MYO16: variants seen among roughly 807,000 people sequenced by gnomAD.
MYO16 encodes myosin XVI.
Under a neutral mutation model 205.3 loss-of-function variants are expected in MYO16, and 94 were observed. That is an observed-to-expected ratio of 0.46 (90% confidence interval 0.39 to 0.54). The LOEUF (loss-of-function observed/expected upper bound fraction) is 0.54. MYO16 is among the 20% of genes least tolerant of loss of function. The pLI is 0.00. For missense variants in MYO16, 2,315 were observed against 2,387.5 expected, an observed-to-expected ratio of 0.97 and a Z score of 0.63; for synonymous variants, 988 against 954.0, an observed-to-expected ratio of 1.04 and a Z score of -0.66.
At chr13:108,948,330 TA>T (rs1393031022) in intron 16 of MYO16, among the ~76,000 whole-genome samples, 2 of 152,316 alleles carry the variant, frequency 1.3e-5, no homozygotes, top group East Asian at 3.9e-4. Flanking sequence ...GCACAGCAGA[TA>T]AAAAAACTGA....
At chr13:108,621,029 G>A (rs1326874316) in intron 1 of MYO16, among the ~76,000 whole-genome samples, 1 of 152,022 alleles carries the variant, frequency 6.6e-6, no homozygotes, top group Non-Finnish European at 1.5e-5. Context: ...TTTATTTCTT[G>A]AACATGTCAT....
At chr13:109,014,816 A>G (rs1195205436) in intron 22 of MYO16, among the ~76,000 whole-genome samples, 1 of 152,220 alleles carries the variant, frequency 6.6e-6, no homozygotes, top group Non-Finnish European at 1.5e-5. Context: ...TTGATTTTGT[A>G]TCCTGAGGCT....
At chr13:108,646,524 T>C (rs1021016237) in intron 1 of MYO16, among the ~76,000 whole-genome samples, 3 of 152,246 alleles carry the variant, frequency 2.0e-5, no homozygotes, top group Non-Finnish European at 2.9e-5. Flanking sequence ...AATTTGTAAA[T>C]TGGCATTAAG....
the MYO16 span, among the ~76,000 whole-genome samples, chr13:108,577,857 T>G: frequency 9.9e-5 from 15 of 152,140 alleles, no homozygotes; most frequent in Non-Finnish European, 1.6e-4. Flanking sequence ...AACTTGCCCC[T>G]TTTACCCCAC....
intron 32 of MYO16, among the ~76,000 whole-genome samples, chr13:109,164,420 G>T (rs562770268): frequency 1.3e-5 from 2 of 152,352 alleles, no homozygotes; most frequent in South Asian, 4.1e-4. Flanking sequence ...GAATGCGGAA[G>T]TCGAGTATTG....
intron 9 of MYO16, among the ~76,000 whole-genome samples, chr13:108,839,856 A>G (rs892905245): frequency 3.9e-5 from 6 of 152,158 alleles, no homozygotes; most frequent in Non-Finnish European, 5.9e-5. Flanking sequence ...GCAACTAACC[A>G]TGGAATAGTA....
rs73619919 is a variant in MYO16, at chr13:109,120,549, C to T, written c.3535+83C>T. 1,160 of 1,024,130 alleles carry T rather than the reference C, an allele frequency of 1.1e-3. 10 individuals are homozygous for T. In the African/African-American group the frequency reaches 0.014, roughly 13 times the overall value. 63.4% of individuals were successfully genotyped at this position (1,024,130 alleles called of 1,614,324 possible). A position where few individuals can be genotyped will look rare whatever the true frequency, so the allele number is the denominator to read the frequency against. On this transcript the variant is annotated intron_variant, in intron 29 of 34. Coordinates refer to ENST00000457511, the MANE Select transcript of MYO16 (RefSeq NM_001198950.3). ...TTAGTGCATCCCCAAGTTTAAATGT[C>T]GATGGGGTCTGCACCCTAGTGGACC...
chr13:108,817,291 A>T (rs893284786), intron 7 of MYO16, among the ~76,000 whole-genome samples: 1 of 152,252 alleles, frequency 6.6e-6, no homozygotes, highest in Admixed American at 6.5e-5. Flanking sequence ...ACTCTCAAGA[A>T]GAAAATGATG....
intron 27 of MYO16, among the ~76,000 whole-genome samples, chr13:109,089,462 G>A (rs946958799): frequency 3.9e-5 from 6 of 152,020 alleles, no homozygotes; most frequent in Non-Finnish European, 7.4e-5. Flanking sequence ...TGATCCACCC[G>A]CCTCAGCCTC....
Position 108,758,246 on chromosome 13 carries a change from G to A in MYO16, c.508-27389G>A, listed in dbSNP as rs552480387. ...CTAAGGTATTTTGCTATAGTAGTCTGAATAAACTAAAACACTTGACTATTG... is the reference window on the plus strand; with the variant it reads ...CTAAGGTATTTTGCTATAGTAGTCTAAATAAACTAAAACACTTGACTATTG... On this transcript the variant is annotated intron_variant, in intron 4 of 34. Coordinates refer to ENST00000457511, the MANE Select transcript of MYO16 (RefSeq NM_001198950.3). Among the ~76,000 whole-genome samples the A allele has an allele frequency of 1.4e-4, 21 of 152,262 alleles. No homozygotes were observed. The South Asian group carries it at 4.3e-3, about 32-fold the overall frequency.
intron 1 of MYO16, among the ~76,000 whole-genome samples, chr13:108,597,280 G>A (rs1878597070): frequency 6.6e-6 from 1 of 152,104 alleles, no homozygotes; most frequent in African/African-American, 2.4e-5. Context: ...TGATACTGAA[G>A]GTTCATAAGG....
chr13:108,711,072 A>T lies in MYO16; in HGVS notation c.293-1589A>T, dbSNP rs139823991. On this transcript the variant is annotated intron_variant, in intron 2 of 34. Coordinates refer to ENST00000457511, the MANE Select transcript of MYO16 (RefSeq NM_001198950.3). Reference sequence around the variant, plus strand: ...AGGTGCCTTCATTTATTCTATATATATATAGAGAGAAAGGGAGGCAGAGAA... The same window carrying T: ...AGGTGCCTTCATTTATTCTATATATTTATAGAGAGAAAGGGAGGCAGAGAA... 3.1e-3 allele frequency among the ~76,000 whole-genome samples: 466 copies of T among 152,290 alleles called. 2 individuals are homozygous for T. Among genetic ancestry groups the T allele is most frequent in the African/African-American group, 0.011 (450 of 41,564 alleles).
intron 34 of MYO16, among the ~76,000 whole-genome samples, chr13:109,195,170 A>T (rs564532052): frequency 6.6e-6 from 1 of 152,256 alleles, no homozygotes; most frequent in African/African-American, 2.4e-5. Context: ...TAAAAAATGC[A>T]AATCCTCTCT....
At chr13:108,669,775 G>A (rs765463862) in intron 2 of MYO16, among the ~76,000 whole-genome samples, 1 of 152,132 alleles carries the variant, frequency 6.6e-6, no homozygotes. Flanking sequence ...CCTTTGCAGG[G>A]ACATGGATAA....
intron 7 of MYO16, among the ~76,000 whole-genome samples, chr13:108,809,684 C>G (rs1887225394): frequency 1.3e-5 from 2 of 152,204 alleles, no homozygotes; most frequent in South Asian, 4.1e-4. Context: ...CACCCCCAAC[C>G]AGGCCACGCT....
chr13:108,563,780 A>G, the MYO16 span, among the ~76,000 whole-genome samples: 1 of 152,296 alleles, frequency 6.6e-6, no homozygotes, highest in East Asian at 1.9e-4. Context: ...TCTGGCTATT[A>G]TGAGCAGTGC....
At chr13:108,955,147 G>C (rs1359681668) in intron 16 of MYO16, among the ~76,000 whole-genome samples, 1 of 152,202 alleles carries the variant, frequency 6.6e-6, no homozygotes, top group Admixed American at 6.5e-5. Context: ...GATGGCACCA[G>C]CCTTCAGGGT....
the MYO16 span, among the ~76,000 whole-genome samples, chr13:108,508,246 G>A: frequency 1.1e-4 from 7 of 62,280 alleles, no homozygotes; most frequent in South Asian, 1.4e-3. Flanking sequence ...CTGAAACTTG[G>A]GCATTTGAAA....
chr13:108,761,193 A>T (rs1885597125), intron 4 of MYO16, among the ~76,000 whole-genome samples: 1 of 152,178 alleles, frequency 6.6e-6, no homozygotes, highest in Non-Finnish European at 1.5e-5. Flanking sequence ...GACTGTGCCT[A>T]GAACTTGCCT....
Sources: allele counts gnomAD v4.1 joint callset (sites outside exome capture counted in the v4.1 genomes callset), GRCh38; gene constraint gnomAD v4.1.1; transcripts MANE v1.5; gene names NCBI Gene and HGNC (gene_info 2026-07-23, HGNC 2026-07-21).